ALPK2: variants seen among roughly 807,000 people sequenced by gnomAD.
ALPK2 encodes the protein alpha kinase 2.
Under a neutral mutation model 163.1 loss-of-function variants are expected in ALPK2, and 127 were observed. The ratio of observed to expected loss-of-function variants is 0.78; its 90% CI spans 0.67 to 0.90. The LOEUF is 0.90. Ranked by LOEUF, ALPK2 falls within the 40% of genes least tolerant of loss-of-function variation. ALPK2 has a pLI of 0.00. For missense variants in ALPK2, 2,360 were observed against 2,589.6 expected (o/e 0.91, Z 1.92); for synonymous variants, 953 against 959.1 (o/e 0.99, Z 0.12).
At chr18:58,613,576 C>T (rs1470979756) in intron 1 of ALPK2, among the ~76,000 whole-genome samples, 1 of 151,828 alleles carries the variant, frequency 6.6e-6, no homozygotes, top group African/African-American at 2.4e-5. Flanking sequence ...TCCTGTAATC[C>T]CAGCTACTCA....
At chr18:58,552,022 G>T (rs1391502899) in intron 4 of ALPK2, among the ~76,000 whole-genome samples, 1 of 152,064 alleles carries the variant, frequency 6.6e-6, no homozygotes, top group Non-Finnish European at 1.5e-5. Flanking sequence ...TCTCATGATG[G>T]TTATTTTCCC....
At chr18:58,534,165 T>A (rs1388099444) in intron 5 of ALPK2, among the ~76,000 whole-genome samples, 6 of 143,398 alleles carry the variant, frequency 4.2e-5, no homozygotes, top group African/African-American at 1.5e-4. Context: ...TTTTTTTTTT[T>A]AACAGCATCA....
chr18:58,623,556 C>T (rs895427863), intron 1 of ALPK2, among the ~76,000 whole-genome samples: 2 of 152,210 alleles, frequency 1.3e-5, no homozygotes, highest in African/African-American at 4.8e-5. Context: ...ACCCCTGCCT[C>T]CTGGGCTCAA....
At chr18:58,602,820 T>C (rs956653045) in intron 3 of ALPK2, among the ~76,000 whole-genome samples, 1 of 152,106 alleles carries the variant, frequency 6.6e-6, no homozygotes, top group Admixed American at 6.5e-5. Context: ...AGTGAAGAAG[T>C]AGCCGAAGCC....
chr18:58,624,986 G>A (rs970810768), intron 1 of ALPK2, among the ~76,000 whole-genome samples: 2 of 152,130 alleles, frequency 1.3e-5, no homozygotes, highest in East Asian at 1.9e-4. Context: ...TGTGAAAAGC[G>A]TAGCCCAACC....
chr18:58,494,652 C>A (rs1334033097), intron 12 of ALPK2, among the ~76,000 whole-genome samples: 2 of 152,132 alleles, frequency 1.3e-5, no homozygotes, highest in South Asian at 2.1e-4. Flanking sequence ...TACCAGCCCC[C>A]CCATAGAACT....
chr18:58,590,806 G>T (rs1312348209), intron 3 of ALPK2, among the ~76,000 whole-genome samples: 1 of 152,124 alleles, frequency 6.6e-6, no homozygotes, highest in East Asian at 1.9e-4. Context: ...TCAACAGATT[G>T]ATTGAACCAC....
At chr18:58,487,191 T>G (rs983124043) in intron 12 of ALPK2, among the ~76,000 whole-genome samples, 1 of 152,204 alleles carries the variant, frequency 6.6e-6, no homozygotes, top group Non-Finnish European at 1.5e-5. Flanking sequence ...TTAAATAAGG[T>G]CACACTGGAG....
chr18:58,507,451 T>G (rs2051467547), intron 10 of ALPK2, among the ~76,000 whole-genome samples: 1 of 152,056 alleles, frequency 6.6e-6, no homozygotes. Context: ...TCAGGAAAAG[T>G]TGTGGGGGTA....
intron 4 of ALPK2, among the ~76,000 whole-genome samples, chr18:58,539,903 A>G (rs2051681585): frequency 1.3e-5 from 2 of 152,104 alleles, no homozygotes; most frequent in South Asian, 4.1e-4. Context: ...TGCATCTCTC[A>G]TTTTCTCTTT....
At chr18:58,613,713 A>T (rs1422613259) in intron 1 of ALPK2, among the ~76,000 whole-genome samples, 3 of 67,158 alleles carry the variant, frequency 4.5e-5, no homozygotes, top group Non-Finnish European at 8.7e-5. Context: ...AAAAAAAATA[A>T]TAATAATAAT....
rs113959512 is a variant in ALPK2 at position 58,576,392 on chromosome 18, A to C, written c.1962+2422T>G. On this transcript the variant is annotated intron_variant, in intron 4 of 12. Transcript: ENST00000361673. ...TGTCTCAAAAAAGATAAAAGGAAAA[A>C]GAGTGGGCAAATTTATTGCTATGAC... Among the ~76,000 whole-genome samples the C allele has an allele frequency of 4.2e-3, 637 of 152,312 alleles. 5 individuals are homozygous for C. The highest frequency in any genetic ancestry group is 0.014 in the African/African-American group (598 of 41,560).
At chr18:58,572,465 A>G (rs2144189066) in intron 4 of ALPK2, among the ~76,000 whole-genome samples, 1 of 152,318 alleles carries the variant, frequency 6.6e-6, no homozygotes, top group South Asian at 2.1e-4. Flanking sequence ...TAGCCATGAG[A>G]GCAAAAAACT....
chr18:58,488,211 A>G (rs1463884728), intron 12 of ALPK2, among the ~76,000 whole-genome samples: 1 of 152,170 alleles, frequency 6.6e-6, no homozygotes, highest in African/African-American at 2.4e-5. Context: ...ACAATCTAAT[A>G]AAGTCACACT....
rs753288154 is a variant in ALPK2 at position 58,537,364 on chromosome 18, A to G, written c.2823T>C (p.Asp941=). The G allele has an allele frequency of 2.5e-6, 4 of 1,614,012 alleles. No individual in the cohort carries two copies. The East Asian group carries it at 6.7e-5, about 27-fold the overall frequency. Residue 941 remains aspartate (D), a synonymous_variant, in exon 5 of 13, where the codon GAT becomes GAC. Transcript: ENST00000361673. The part of the protein sequence containing the change: ...QPSPSNSGGL[D]ETQLLSSENN... ...TCTCAGAAGAAAGGAGCTGTGTTTC[A>G]TCAAGCCCTCCTGAGTTGCTGGGGC...
At chr18:58,551,059 A>C (rs1466717586) in intron 4 of ALPK2, among the ~76,000 whole-genome samples, 1 of 151,242 alleles carries the variant, frequency 6.6e-6, no homozygotes, top group Non-Finnish European at 1.5e-5. Context: ...CCCGAGATGG[A>C]GGTAACCCTA....
chr18:58,604,768 C>T (rs1472327473), intron 3 of ALPK2, among the ~76,000 whole-genome samples: 1 of 152,162 alleles, frequency 6.6e-6, no homozygotes, highest in Non-Finnish European at 1.5e-5. Context: ...CTTCAATTTT[C>T]ATGGAAAGCC....
Position 58,535,083 on chromosome 18 carries a change from G to C in ALPK2, c.5104C>G (p.Leu1702Val). 7 of 1,614,052 alleles carry C rather than the reference G, an allele frequency of 4.3e-6. No homozygotes were observed. The highest frequency in any genetic ancestry group is 5.9e-6 in the Non-Finnish European group (7 of 1,180,008). Residue 1702 changes from leucine (L) to valine (V), a missense_variant, in exon 5 of 13, where the codon CTC (leucine) becomes GTC (valine). By Grantham distance (32) the Leu-to-Val change is conservative (BLOSUM62 1). Transcript: ENST00000361673. ...TCCTCTGACCCCGTCACTGCTGTGA[G>C]GGTCCCTGGCGATTTGCCTGCTCGG... The part of the protein sequence containing the change: ...EARAGKSPGT[L>V]TAVTGSEEVK...
intron 12 of ALPK2, among the ~76,000 whole-genome samples, chr18:58,497,568 A>G (rs976532781): frequency 3.3e-5 from 5 of 152,236 alleles, no homozygotes; most frequent in African/African-American, 1.2e-4. Context: ...TGCCAGAGAC[A>G]TTGCCTCCTA....
Sources: allele counts gnomAD v4.1 joint callset (sites outside exome capture counted in the v4.1 genomes callset), GRCh38; gene constraint gnomAD v4.1.1; transcripts MANE v1.5; gene names NCBI Gene and HGNC (gene_info 2026-07-23, HGNC 2026-07-21).